The following SHISAL2B variants were observed in gnomAD, a reference collection of about 807,000 sequenced individuals.
SHISAL2B encodes shisa like 2B.
In SHISAL2B, 12 loss-of-function variants were observed where a neutral mutation model predicts 16.5. The observed-to-expected ratio is 0.73, with a 90% CI of 0.47 to 1.18. SHISAL2B has a LOEUF of 1.18. Among genes scored for constraint, SHISAL2B ranks in the 50% most tolerant of loss-of-function variants. The pLI is 0.00. For missense variants in SHISAL2B, 183 were observed against 193.6 expected (o/e 0.95, Z 0.33); for synonymous variants, 72 against 75.0 (o/e 0.96, Z 0.21).
chr5:64,696,924 C>T lies in SHISAL2B; in HGVS notation c.349+1260C>T, dbSNP rs538471835. On this transcript the variant is annotated intron_variant, in intron 2 of 2. Transcript: ENST00000389074. ...CTTTGTTCTCCTTTTTGCCCTTTGA[C>T]GCTTGTGATCTTTGTGACCTACTCC... is the stretch of plus-strand genomic sequence containing the variant. Among the ~76,000 whole-genome samples the T allele has an allele frequency of 7.2e-4, 109 of 152,218 alleles. 1 individual carries two copies. The highest frequency in any genetic ancestry group is 1.2e-3 in the Non-Finnish European group (82 of 68,008).
intron 2 of SHISAL2B, among the ~76,000 whole-genome samples, chr5:64,708,822 T>C (rs1026383125): frequency 6.6e-6 from 1 of 152,178 alleles, no homozygotes; most frequent in African/African-American, 2.4e-5. Flanking sequence ...AATCAAATTA[T>C]ACTGATTGCA....
intron 2 of SHISAL2B, among the ~76,000 whole-genome samples, chr5:64,703,982 A>G (rs1363460478): frequency 6.6e-6 from 1 of 152,138 alleles, no homozygotes; most frequent in Non-Finnish European, 1.5e-5. Context: ...TCCTCTTACA[A>G]ATAAAAAAAA....
chr5:64,709,782 T>A (rs1269162177), intron 2 of SHISAL2B, among the ~76,000 whole-genome samples: 1 of 152,124 alleles, frequency 6.6e-6, no homozygotes, highest in Non-Finnish European at 1.5e-5. Flanking sequence ...ATTTCTCTGA[T>A]GGCCAGTGAT....
At chr5:64,696,461 G>C (rs1741736948) in intron 2 of SHISAL2B, among the ~76,000 whole-genome samples, 1 of 152,198 alleles carries the variant, frequency 6.6e-6, no homozygotes, top group South Asian at 2.1e-4. Context: ...GGGCAGAATA[G>C]AGCCATATTT....
chr5:64,700,313 A>C (rs1741790390), intron 2 of SHISAL2B, among the ~76,000 whole-genome samples: 3 of 152,230 alleles, frequency 2.0e-5, no homozygotes, highest in Admixed American at 2.0e-4. Flanking sequence ...GATTGGTTCG[A>C]AGACCCCCTG....
chr5:64,695,620 C>G lies in SHISAL2B; in HGVS notation c.305C>G (p.Thr102Ser). The part of the protein sequence containing the change: ...FLYTKPQRLD[T>S]GLKLQHLEAS... ...TATACGAAACCTCAAAGATTAGACA[C>G]TGGCCTTAAGCTTCAACACTTAGAG... The change falls in exon 2 of 3, where the codon ACT (threonine) becomes AGT (serine). Residue 102 changes from threonine to serine, a missense_variant. Coordinates refer to ENST00000389074, the MANE Select transcript of SHISAL2B (RefSeq NM_001164442.2). The G allele has an allele frequency of 6.5e-7, 1 of 1,536,472 alleles. No homozygotes were observed.
At chr5:64,714,926 C>G (rs1447389432) in intron 2 of SHISAL2B, among the ~76,000 whole-genome samples, 1 of 152,162 alleles carries the variant, frequency 6.6e-6, no homozygotes, top group African/African-American at 2.4e-5. Context: ...ACCCACTGGC[C>G]TGCGCCCACT....
chr5:64,693,803 CACTCTACAGTG>C (rs942563282), intron 1 of SHISAL2B, among the ~76,000 whole-genome samples: 1 of 152,186 alleles, frequency 6.6e-6, no homozygotes, highest in African/African-American at 2.4e-5. Context: ...TACAGTGAGT[CACTCTACAGTG>C]ACTCTAGCCA....
At chr5:64,715,910 A>T (rs143405158) in intron 2 of SHISAL2B, among the ~76,000 whole-genome samples, 28 of 152,342 alleles carry the variant, frequency 1.8e-4, no homozygotes, top group African/African-American at 6.3e-4. Context: ...CCAGTGAAGA[A>T]GATGTCTGTA....
chr5:64,702,071 C>T (rs1741815840), intron 2 of SHISAL2B, among the ~76,000 whole-genome samples: 1 of 151,788 alleles, frequency 6.6e-6, no homozygotes, highest in South Asian at 2.1e-4. Flanking sequence ...GAAAGTTTTC[C>T]CCTCACCAAA....
At position 64,690,506 on chromosome 5, in the gene SHISAL2B, G is replaced by A. The variant is rs977469301; in HGVS notation, c.-118G>A. The A allele has an allele frequency of 1.0e-5, 8 of 776,222 alleles. No homozygotes were observed. Among genetic ancestry groups the A allele is most frequent in the Non-Finnish European group, 1.5e-5 (8 of 544,664 alleles). The allele number at this position is 776,222 out of a possible 1,614,324, so 48.1% of individuals were successfully genotyped here. A position where few individuals can be genotyped will look rare whatever the true frequency, so the allele number is the denominator to read the frequency against. ...AAGGCTGAGCGCCCAGGCAGCCAGA[G>A]CCCAGATCGGAAGAGCCGAGTCCGG... On this transcript the variant is annotated 5_prime_UTR_variant, in exon 1 of 3. Transcript: ENST00000389074.
At chr5:64,694,265 C>G (rs1741697013) in intron 1 of SHISAL2B, 1 of 354,636 alleles carries the variant, frequency 2.8e-6, no homozygotes, top group Non-Finnish European at 5.5e-6. Context: ...AAGCTAAGTT[C>G]TCAAATGCTT....
intron 2 of SHISAL2B, among the ~76,000 whole-genome samples, chr5:64,695,982 G>T (rs954819904): frequency 6.6e-6 from 1 of 152,142 alleles, no homozygotes; most frequent in African/African-American, 2.4e-5. Flanking sequence ...TTTTGATTTT[G>T]GATGGAGTCA....
At chr5:64,704,333 T>A (rs893418440) in intron 2 of SHISAL2B, among the ~76,000 whole-genome samples, 11 of 152,250 alleles carry the variant, frequency 7.2e-5, no homozygotes, top group African/African-American at 2.2e-4. Flanking sequence ...AATTTAACTG[T>A]TATCAGAAAA....
intron 1 of SHISAL2B, 70 bp from the exon 2 acceptor site, chr5:64,695,436 TA>T (rs1487488634): frequency 9.2e-5 from 95 of 1,034,802 alleles, no homozygotes; most frequent in Non-Finnish European, 1.2e-4. Context: ...ACAATATATT[TA>T]TGCCTTCTCT....
intron 2 of SHISAL2B, among the ~76,000 whole-genome samples, chr5:64,716,342 A>G (rs528441150): frequency 6.6e-6 from 1 of 152,314 alleles, no homozygotes; most frequent in South Asian, 2.1e-4. Context: ...CTTTATTAAT[A>G]CACTCAACTA....
At chr5:64,716,878 T>C (rs1047594961) in intron 2 of SHISAL2B, among the ~76,000 whole-genome samples, 7 of 152,204 alleles carry the variant, frequency 4.6e-5, no homozygotes, top group African/African-American at 1.7e-4. Context: ...ATTCAACTTA[T>C]TTTTTAAAGA....
Position 64,717,932 on chromosome 5 carries a change from A to T in SHISAL2B, c.393A>T (p.Ala131=). The change falls in exon 3 of 3, where the codon GCA becomes GCT. Residue 131 remains alanine, a synonymous_variant. Transcript: ENST00000389074. ...CCAAAGCCCTCAATTCAAATGCAGCATCAAATGCAACAAATGAAACATACT... is the reference window on the plus strand; with the variant it reads ...CCAAAGCCCTCAATTCAAATGCAGCTTCAAATGCAACAAATGAAACATACT... ...GKTKALNSNA[A]SNATNETYYE... The T allele has an allele frequency of 6.6e-7, 1 of 1,522,374 alleles. No individual in the cohort carries two copies. The highest frequency in any genetic ancestry group is 1.2e-5 in the South Asian group (1 of 80,090). The allele number at this position is 1,522,374 out of a possible 1,614,324, so 94.3% of individuals were successfully genotyped here.
chr5:64,714,593 GTT>G (rs1478165570), intron 2 of SHISAL2B, among the ~76,000 whole-genome samples: 6 of 152,136 alleles, frequency 3.9e-5, no homozygotes, highest in African/African-American at 1.2e-4. Flanking sequence ...CGGCTGCTTT[GTT>G]TACCTAAGCA....
Sources: allele counts gnomAD v4.1 joint callset (sites outside exome capture counted in the v4.1 genomes callset), GRCh38; gene constraint gnomAD v4.1.1; transcripts MANE v1.5; gene names NCBI Gene and HGNC (gene_info 2026-07-23, HGNC 2026-07-21).